CDH2: variants seen among roughly 807,000 people sequenced by gnomAD.
The protein encoded by CDH2 is cadherin 2.
Under a neutral mutation model 92.0 loss-of-function variants are expected in CDH2, and 17 were observed. The observed-to-expected ratio is 0.18, with a 90% CI of 0.13 to 0.28. The LOEUF (loss-of-function observed/expected upper bound fraction) is 0.28. Among genes scored for constraint, CDH2 ranks in the 10% least tolerant of loss-of-function variants. The pLI, the probability that CDH2 is intolerant of heterozygous loss-of-function variation, is 1.00. For synonymous variants in CDH2, 419 were observed against 415.9 expected, an observed-to-expected ratio of 1.01 and a Z score of -0.09; for missense variants, 862 against 1,133.1, an observed-to-expected ratio of 0.76 and a Z score of 3.44.
intron 14 of CDH2, among the ~76,000 whole-genome samples, chr18:27,977,743 A>G (rs994713520): frequency 6.6e-6 from 1 of 152,228 alleles, no homozygotes; most frequent in Non-Finnish European, 1.5e-5. Context: ...TCAGTTTACA[A>G]TGGAATACTA....
intron 7 of CDH2, among the ~76,000 whole-genome samples, chr18:27,997,752 T>G (rs1311385437): frequency 6.6e-6 from 1 of 151,918 alleles, no homozygotes; most frequent in Non-Finnish European, 1.5e-5. Context: ...GGACAGAGAG[T>G]TGAATAACAA....
At chr18:27,980,105 A>C (rs2011994203) in intron 14 of CDH2, among the ~76,000 whole-genome samples, 2 of 152,212 alleles carry the variant, frequency 1.3e-5, no homozygotes, top group South Asian at 4.1e-4. Flanking sequence ...CCCTGAAGGA[A>C]GAGTGAGAGG....
chr18:27,934,943 G>A lies in CDH2; in HGVS notation c.1152-1819C>T, dbSNP rs189119883. Among the ~76,000 whole-genome samples the A allele has an allele frequency of 7.9e-5, 12 of 152,272 alleles. No homozygotes were observed. In the East Asian group the frequency reaches 2.3e-3, roughly 29 times the overall value. The stretch of plus-strand genomic sequence containing the variant: ...TCTTTAGCATACTACACAGGTCTGA[G>A]TATGATCTGAAACTGCCCCAACTTC... On this transcript the variant is annotated intron_variant, in intron 6 of 6. Transcript: ENST00000675173.
intron 15 of CDH2, among the ~76,000 whole-genome samples, chr18:27,955,330 A>G (rs1448094140): frequency 6.7e-6 from 1 of 149,688 alleles, no homozygotes; most frequent in Middle Eastern, 3.2e-3. Flanking sequence ...ATAAACCTGC[A>G]CATTCCGCAC....
intron 2 of CDH2, among the ~76,000 whole-genome samples, chr18:28,118,809 T>C (rs757644287): frequency 2.6e-5 from 4 of 151,998 alleles, no homozygotes; most frequent in Admixed American, 1.3e-4. Context: ...AGTCCCCAAA[T>C]TACAGTCTAA....
intron 15 of CDH2, among the ~76,000 whole-genome samples, chr18:27,954,253 C>T (rs1021237957): frequency 2.0e-5 from 3 of 152,174 alleles, no homozygotes; most frequent in Non-Finnish European, 4.4e-5. Context: ...CCTACAATTT[C>T]TCAAAACTTG....
intron 2 of CDH2, among the ~76,000 whole-genome samples, chr18:28,112,987 T>A (rs115250994): frequency 4.3e-4 from 65 of 152,268 alleles, no homozygotes; most frequent in African/African-American, 1.4e-3. Flanking sequence ...AATTTAAGAA[T>A]GCCAGGGGGG....
intron 15 of CDH2, among the ~76,000 whole-genome samples, chr18:27,955,770 T>TTTTG (rs888577980): frequency 2.0e-5 from 3 of 147,404 alleles, no homozygotes; most frequent in Non-Finnish European, 3.0e-5. Context: ...TGTTTTTTTT[T>TTTTG]TTTTTTTTTT....
intron 14 of CDH2, among the ~76,000 whole-genome samples, chr18:27,976,427 T>C (rs956652663): frequency 6.6e-6 from 1 of 152,214 alleles, no homozygotes; most frequent in Non-Finnish European, 1.5e-5. Flanking sequence ...AGCTGCTGGA[T>C]GTTCCAGTTC....
intron 2 of CDH2, among the ~76,000 whole-genome samples, chr18:28,127,487 G>A (rs953108452): frequency 1.3e-5 from 2 of 151,994 alleles, no homozygotes; most frequent in African/African-American, 4.8e-5. Flanking sequence ...CCTTATCGTG[G>A]CGCAATGGTC....
intron 2 of CDH2, among the ~76,000 whole-genome samples, chr18:28,066,930 C>T (rs1287974739): frequency 6.6e-6 from 1 of 152,002 alleles, no homozygotes; most frequent in African/African-American, 2.4e-5. Flanking sequence ...AAAATAAGAA[C>T]ATATAGAAAT....
chr18:28,071,286 G>T (rs1357757107), intron 2 of CDH2, among the ~76,000 whole-genome samples: 1 of 151,936 alleles, frequency 6.6e-6, no homozygotes, highest in African/African-American at 2.4e-5. Flanking sequence ...GGGAAAATAC[G>T]TATGTGCCGG....
At chr18:28,020,318 T>A (rs1356701873) in intron 2 of CDH2, among the ~76,000 whole-genome samples, 1 of 152,092 alleles carries the variant, frequency 6.6e-6, no homozygotes, top group Admixed American at 6.6e-5. Flanking sequence ...ATAAGTTATA[T>A]ATTTTTTAGT....
At chr18:28,101,772 T>C (rs572318850) in intron 2 of CDH2, among the ~76,000 whole-genome samples, 13 of 152,240 alleles carry the variant, frequency 8.5e-5, no homozygotes, top group Non-Finnish European at 7.4e-5. Flanking sequence ...GAATCTACCC[T>C]AAGCATGAAA....
chr18:28,176,826 G>A (rs1169300846), intron 1 of CDH2, 137 bp downstream of exon 1: 1 of 278,098 alleles, frequency 3.6e-6, no homozygotes, highest in Non-Finnish European at 5.5e-6. Flanking sequence ...TACCGGCCGC[G>A]CGGCGCGGCG....
rs116759962 is a variant in CDH2, at chr18:28,027,133, C to T, written c.173-13224G>A. Among the ~76,000 whole-genome samples, 352 of 152,208 alleles carry T rather than the reference C, an allele frequency of 2.3e-3. 3 individuals are homozygous for T. The highest frequency in any genetic ancestry group is 8.2e-3 in the African/African-American group (339 of 41,542). Reference sequence around the variant, plus strand: ...TCATCCATATCTACAATGGACTTAGCATGAATATCGGTTTTTGTGTTAAAC... The same window carrying T: ...TCATCCATATCTACAATGGACTTAGTATGAATATCGGTTTTTGTGTTAAAC... On this transcript the variant is annotated intron_variant, in intron 2 of 15. Transcript: ENST00000269141.
intron 2 of CDH2, among the ~76,000 whole-genome samples, chr18:28,074,304 G>A (rs1567987969): frequency 6.6e-6 from 1 of 152,160 alleles, no homozygotes; most frequent in Non-Finnish European, 1.5e-5. Flanking sequence ...GCATACATGA[G>A]AATGCTGAAG....
chr18:28,104,935 A>G (rs2015297501), intron 2 of CDH2, among the ~76,000 whole-genome samples: 1 of 152,062 alleles, frequency 6.6e-6, no homozygotes, highest in Non-Finnish European at 1.5e-5. Context: ...AATATATGTA[A>G]AAGTTCACTC....
chr18:27,981,642 T>C (rs1448195255), intron 14 of CDH2, among the ~76,000 whole-genome samples: 5 of 152,170 alleles, frequency 3.3e-5, no homozygotes, highest in Non-Finnish European at 7.4e-5. Context: ...TGCCACAAAG[T>C]TTATACAATA....
Sources: gnomAD v4.1 joint callset for allele counts (sites outside exome capture counted in the v4.1 genomes callset) on GRCh38, gnomAD v4.1.1 for gene constraint, MANE v1.5 for transcripts, NCBI Gene and HGNC (gene_info 2026-07-23, HGNC 2026-07-21) for gene names.